TOP3A: variants seen among roughly 807,000 people sequenced by gnomAD.
TOP3A encodes DNA topoisomerase III alpha.
A neutral mutation model predicts 111.3 loss-of-function variants in TOP3A; 64 were observed. The observed-to-expected ratio is 0.57, with a 90% CI of 0.47 to 0.71. TOP3A has a LOEUF of 0.71. Among genes scored for constraint, TOP3A ranks in the 30% least tolerant of loss-of-function variants. The pLI is 0.00. For missense variants in TOP3A, 1,104 were observed against 1,285.0 expected, an observed-to-expected ratio of 0.86 and a Z score of 2.15; for synonymous variants, 484 against 485.1, an observed-to-expected ratio of 1.00 and a Z score of 0.03.
chr17:18,283,414 G>A (rs990695184), intron 15 of TOP3A, among the ~76,000 whole-genome samples: 2 of 151,926 alleles, frequency 1.3e-5, no homozygotes, highest in South Asian at 4.2e-4. Flanking sequence ...ACAAACTCCA[G>A]GAGTGTCTGT....
In TOP3A at chr17:18,280,605, G is replaced by C; in HGVS notation, c.2075C>G (p.Pro692Arg). 1 of 1,614,106 alleles carries C rather than the reference G, an allele frequency of 6.2e-7. No individual in the cohort carries two copies. Among genetic ancestry groups the C allele is most frequent in the Non-Finnish European group, 8.5e-7 (1 of 1,179,982 alleles). Residue 692 changes from proline to arginine, a missense_variant, in exon 17 of 19, where the codon CCT becomes CGT. Transcript: ENST00000321105. ...CCTGCTGGCCTCCAGCACCGAGTCAGGAAGCCACACAGCTGAGCGACACTC... is the reference window on the plus strand; with the variant it reads ...CCTGCTGGCCTCCAGCACCGAGTCACGAAGCCACACAGCTGAGCGACACTC... The part of the protein sequence containing the change: ...FPECRSAVWL[P>R]DSVLEASRDS...
chr17:18,283,601 G>T (rs992708058), intron 15 of TOP3A, among the ~76,000 whole-genome samples: 2 of 152,118 alleles, frequency 1.3e-5, no homozygotes, highest in Admixed American at 1.3e-4. Flanking sequence ...ACACCAGTTG[G>T]ACATCCTCTA....
At chr17:18,289,581 TG>T (rs1567740313) in intron 13 of TOP3A, among the ~76,000 whole-genome samples, 1 of 152,146 alleles carries the variant, frequency 6.6e-6, no homozygotes, top group African/African-American at 2.4e-5. Context: ...CCCAGCAAGA[TG>T]GGGTTTTACC....
In TOP3A at chr17:18,274,952, T is replaced by C; in HGVS notation, c.2856A>G (p.Gly952=). The change falls in exon 19 of 19, where the codon GGA becomes GGG. Residue 952 remains glycine (G), a synonymous_variant. Transcript: ENST00000321105. ...CCGACTCCAGGGTTCTTCCTCTGTC[T>C]CCTGTCCAGGACGGGGCTCCAGAAG... ...PGTSGAPSWT[G]DRGRTLESEA... The C allele has an allele frequency of 6.2e-7, 1 of 1,614,076 alleles. No individual in the cohort carries two copies. The highest frequency in any genetic ancestry group is 8.5e-7 in the Non-Finnish European group (1 of 1,180,012).
At position 18,302,641 on chromosome 17, in the gene TOP3A, G is replaced by C. The variant is rs375993594; in HGVS notation, c.582C>G (p.Thr194=). The C allele has an allele frequency of 1.9e-6, 3 of 1,613,972 alleles. No homozygotes were observed. Among genetic ancestry groups the C allele is most frequent in the Non-Finnish European group, 2.5e-6 (3 of 1,180,024 alleles). ...CATCGCTCACCCTCTGATCAGGCTC[G>C]GTCAGGTTTTCACAAGCTGTCCTGA... is the stretch of plus-strand genomic sequence containing the variant. ...HAVRTACENL[T]EPDQRVSDAV... Residue 194 remains threonine (T), a synonymous_variant, in exon 6 of 19, where the codon ACC becomes ACG. Transcript: ENST00000321105.
intron 16 of TOP3A, among the ~76,000 whole-genome samples, chr17:18,282,049 C>T (rs927624921): frequency 7.9e-5 from 12 of 152,266 alleles, no homozygotes; most frequent in African/African-American, 1.4e-4. Context: ...CGTCTTTCCC[C>T]GTGAACTTCC....
intron 5 of TOP3A, among the ~76,000 whole-genome samples, chr17:18,304,579 G>A (rs1981440471): frequency 6.6e-6 from 1 of 152,116 alleles, no homozygotes; most frequent in Non-Finnish European, 1.5e-5. Context: ...TTTATTAATA[G>A]TCGAGCATTG....
chr17:18,304,199 A>T (rs1211716377), intron 5 of TOP3A, among the ~76,000 whole-genome samples: 1 of 152,176 alleles, frequency 6.6e-6, no homozygotes, highest in East Asian at 1.9e-4. Flanking sequence ...ACCTGACCTC[A>T]GGAGATCCAC....
chr17:18,307,196 C>T (rs889679558), intron 3 of TOP3A: 14 of 397,164 alleles, frequency 3.5e-5, no homozygotes, highest in Non-Finnish European at 6.3e-5. Context: ...TAAATGCAAT[C>T]CAATGGCTGC....
intron 1 of TOP3A, among the ~76,000 whole-genome samples, chr17:18,310,695 A>G (rs921842893): frequency 6.6e-6 from 1 of 152,166 alleles, no homozygotes; most frequent in Non-Finnish European, 1.5e-5. Flanking sequence ...GGAACTAGAT[A>G]ATGATGATGG....
At chr17:18,311,162 G>A (rs1247889455) in intron 1 of TOP3A, among the ~76,000 whole-genome samples, 3 of 151,626 alleles carry the variant, frequency 2.0e-5, no homozygotes, top group Admixed American at 1.3e-4. Flanking sequence ...CAGCATGCCC[G>A]GCTAATTTTT....
intron 10 of TOP3A, among the ~76,000 whole-genome samples, chr17:18,294,263 A>G (rs1363500632): frequency 1.3e-5 from 2 of 152,118 alleles, no homozygotes; most frequent in Non-Finnish European, 2.9e-5. Context: ...TCAAAATCCT[A>G]CCTCAGAGCT....
rs146219806 is a variant in TOP3A at position 18,306,942 on chromosome 17, G to C, written c.339C>G (p.Leu113=). 4.4e-5 allele frequency: 71 copies of C among 1,613,822 alleles called. No individual in the cohort carries two copies. In the African/African-American group the frequency reaches 6.3e-4, roughly 14 times the overall value. ...RKWQSCNPLV[L]FEAEIEKYCP... Reference sequence around the variant, plus strand: ...AGTACTTTTCAATTTCTGCTTCAAAGAGGACAAGAGGGTTGCAGCTCTGCC... The same window carrying C: ...AGTACTTTTCAATTTCTGCTTCAAACAGGACAAGAGGGTTGCAGCTCTGCC... Residue 113 remains leucine (L), a synonymous_variant, in exon 4 of 19, where the codon CTC becomes CTG. Coordinates refer to ENST00000321105, the MANE Select transcript of TOP3A (RefSeq NM_004618.5).
In TOP3A at chr17:18,314,671, G is replaced by T. The variant is rs1982140424; in HGVS notation, c.108C>A (p.Val36=). 6.2e-7 allele frequency: 1 copy of T among 1,613,396 alleles called. No individual in the cohort carries two copies. Among genetic ancestry groups the T allele is most frequent in the Non-Finnish European group, 8.5e-7 (1 of 1,179,764 alleles). The change falls in exon 1 of 19, where the codon GTC becomes GTA. Residue 36 remains valine, a synonymous_variant. Coordinates refer to ENST00000321105, the MANE Select transcript of TOP3A (RefSeq NM_004618.5). ...MEMALRGVRK[V]LCVAEKNDAA... is the part of the protein sequence containing the mutation. ...CGTCGTTTTTTTCGGCCACACAGAG[G>T]ACTTTCCGCACGCCTCGGAGGGCCA...
At chr17:18,279,405 C>T (rs1490999468) in intron 17 of TOP3A, among the ~76,000 whole-genome samples, 2 of 151,758 alleles carry the variant, frequency 1.3e-5, no homozygotes, top group African/African-American at 2.4e-5. Flanking sequence ...TACAGGCGCC[C>T]ACCAGTACGC....
At chr17:18,277,236 A>G (rs1027678662) in intron 18 of TOP3A, among the ~76,000 whole-genome samples, 1 of 151,054 alleles carries the variant, frequency 6.6e-6, no homozygotes, top group Non-Finnish European at 1.5e-5. Flanking sequence ...TGGTCTGCCA[A>G]GGGTCACGAC....
intron 13 of TOP3A, among the ~76,000 whole-genome samples, chr17:18,287,105 T>G (rs976056307): frequency 6.6e-6 from 1 of 151,192 alleles, no homozygotes; most frequent in African/African-American, 2.4e-5. Flanking sequence ...ATAACTAAAG[T>G]AGGCAAATCT....
intron 4 of TOP3A, among the ~76,000 whole-genome samples, chr17:18,306,314 T>C (rs531501228): frequency 3.9e-5 from 6 of 152,334 alleles, no homozygotes; most frequent in Non-Finnish European, 7.3e-5. Context: ...TTGTAGCCTC[T>C]TTCATCTAAC....
At chr17:18,301,164 AG>A (rs1357169339) in intron 8 of TOP3A, among the ~76,000 whole-genome samples, 1 of 152,224 alleles carries the variant, frequency 6.6e-6, no homozygotes, top group Non-Finnish European at 1.5e-5. Context: ...ATTTTACTTA[AG>A]CATGACTCTG....
Sources: gnomAD v4.1 joint callset for allele counts (sites outside exome capture counted in the v4.1 genomes callset) on GRCh38, gnomAD v4.1.1 for gene constraint, MANE v1.5 for transcripts, NCBI Gene and HGNC (gene_info 2026-07-23, HGNC 2026-07-21) for gene names.